LRP1B: variants seen among roughly 807,000 people sequenced by gnomAD.
LRP1B encodes low-density lipoprotein receptor-related protein 1B.
Under a neutral mutation model 556.6 loss-of-function variants are expected in LRP1B, and 217 were observed. That is an observed-to-expected ratio of 0.39 (90% CI 0.35 to 0.44). The LOEUF is 0.44. LRP1B is among the 20% of genes least tolerant of loss of function. LRP1B has a pLI of 1.00. For synonymous variants in LRP1B, 2,047 were observed against 1,865.8 expected (o/e 1.10, Z -2.50); for missense variants, 5,053 against 5,620.8 (o/e 0.90, Z 3.23).
chr2:141,968,372 C>T lies in LRP1B; in HGVS notation c.83-157971G>A, dbSNP rs1472885534. 2.0e-5 allele frequency among the ~76,000 whole-genome samples: 3 copies of T among 151,826 alleles called. No homozygotes were observed. The South Asian group carries it at 6.2e-4, about 31-fold the overall frequency. ...AATCTGAGTACTTTAGAAATGCAGA[C>T]TCCAAAGTAATAGGAAATAAAATAT... On this transcript the variant is annotated intron_variant, in intron 1 of 90. Coordinates refer to ENST00000389484, the MANE Select transcript of LRP1B (RefSeq NM_018557.3).
intron 3 of LRP1B, among the ~76,000 whole-genome samples, chr2:141,431,158 T>TAAATAAATAAATAAATAAAC (rs1680548152): frequency 6.6e-6 from 1 of 151,502 alleles, no homozygotes; most frequent in East Asian, 1.9e-4. Flanking sequence ...AATAAATAAA[T>TAAATAAATAAATAAATAAAC]AAATAAATGA....
At chr2:142,012,302 A>T (rs927683067) in intron 1 of LRP1B, among the ~76,000 whole-genome samples, 1 of 152,138 alleles carries the variant, frequency 6.6e-6, no homozygotes, top group African/African-American at 2.4e-5. Context: ...GTCTGACTCT[A>T]TTAAATCAAA....
Position 141,355,341 on chromosome 2 carries a change from T to C in LRP1B, c.344-100700A>G, listed in dbSNP as rs556499284. On this transcript the variant is annotated intron_variant, in intron 3 of 90. Coordinates refer to ENST00000389484, the MANE Select transcript of LRP1B (RefSeq NM_018557.3). ...TCACATACCTTAATATCCACCCTTA[T>C]AAAGTGTACAATTCCCTGGTTTTGA... 4.6e-5 allele frequency among the ~76,000 whole-genome samples: 7 copies of C among 152,168 alleles called. No homozygotes were observed. The South Asian group carries it at 6.2e-4, about 14-fold the overall frequency.
intron 2 of LRP1B, among the ~76,000 whole-genome samples, chr2:141,490,369 T>TTGTGTGTGTGTGTGTGTGTG (rs557540972): frequency 0.036 from 3,901 of 108,522 alleles, 93 homozygotes; most frequent in East Asian, 0.058. Flanking sequence ...TAAAATAGCC[T>TTGTGTGTGTGTGTGTGTGTG]CGTGTGTGTG....
chr2:141,787,266 T>G (rs1394531671), intron 2 of LRP1B, among the ~76,000 whole-genome samples: 3 of 152,116 alleles, frequency 2.0e-5, no homozygotes, highest in Non-Finnish European at 2.9e-5. Context: ...AGCAAACTTA[T>G]GTTAACACAA....
At chr2:141,696,849 G>A (rs970453881) in intron 2 of LRP1B, among the ~76,000 whole-genome samples, 1 of 151,856 alleles carries the variant, frequency 6.6e-6, no homozygotes, top group South Asian at 2.1e-4. Context: ...CTTCAAAGAC[G>A]GACATTAATA....
At chr2:141,557,771 T>C (rs977032114) in intron 2 of LRP1B, among the ~76,000 whole-genome samples, 1 of 151,922 alleles carries the variant, frequency 6.6e-6, no homozygotes, top group African/African-American at 2.4e-5. Flanking sequence ...TAACACATTT[T>C]TATTTTGTTT....
intron 41 of LRP1B, among the ~76,000 whole-genome samples, chr2:140,604,840 G>C (rs1389162147): frequency 1.3e-5 from 2 of 151,684 alleles, no homozygotes; most frequent in South Asian, 4.1e-4. Context: ...TAGTGAAAAA[G>C]TCTCACAAAA....
chr2:141,115,600 G>T (rs1335481271), intron 7 of LRP1B, among the ~76,000 whole-genome samples: 1 of 150,250 alleles, frequency 6.7e-6, no homozygotes, highest in East Asian at 2.0e-4. Flanking sequence ...GGGACTACAG[G>T]CTCCCGCCAC....
At chr2:141,429,249 T>C (rs2104980524) in intron 3 of LRP1B, among the ~76,000 whole-genome samples, 1 of 152,272 alleles carries the variant, frequency 6.6e-6, no homozygotes, top group South Asian at 2.1e-4. Flanking sequence ...TAAAAAATAA[T>C]ACTTCACTAT....
intron 41 of LRP1B, among the ~76,000 whole-genome samples, chr2:140,607,080 A>T (rs501969): frequency 0.61 from 93,344 of 151,950 alleles, 29,054 homozygotes; most frequent in Non-Finnish European, 0.65. Context: ...TGAATGCTTT[A>T]TACACTCAAC....
chr2:141,224,265 G>A (rs1607917), intron 6 of LRP1B, among the ~76,000 whole-genome samples: 42,151 of 152,066 alleles, frequency 0.28, 6,478 homozygotes, highest in Middle Eastern at 0.47. Flanking sequence ...TCACTGATTA[G>A]AGAAATCCAA....
At chr2:140,826,494 G>A (rs946356377) in intron 31 of LRP1B, among the ~76,000 whole-genome samples, 3 of 152,154 alleles carry the variant, frequency 2.0e-5, no homozygotes, top group Admixed American at 1.3e-4. Flanking sequence ...ATTATCCAGT[G>A]CCAAGATGAT....
At chr2:141,463,778 A>C (rs1682044085) in intron 3 of LRP1B, among the ~76,000 whole-genome samples, 1 of 145,968 alleles carries the variant, frequency 6.9e-6, no homozygotes, top group Non-Finnish European at 1.5e-5. Context: ...GTATTTCAAC[A>C]AATATTTATC....
At chr2:141,894,848 G>A (rs927021283) in intron 1 of LRP1B, among the ~76,000 whole-genome samples, 1 of 151,788 alleles carries the variant, frequency 6.6e-6, no homozygotes, top group African/African-American at 2.4e-5. Flanking sequence ...TTGGGAGTTC[G>A]AGACCAGCCT....
At chr2:140,522,631 G>A (rs1690231698) in intron 49 of LRP1B, among the ~76,000 whole-genome samples, 2 of 151,428 alleles carry the variant, frequency 1.3e-5, no homozygotes, top group Non-Finnish European at 2.9e-5. Context: ...TAAAATGCTG[G>A]TTCTTTTAAA....
chr2:141,106,844 A>T (rs887509304), intron 7 of LRP1B, among the ~76,000 whole-genome samples: 1 of 152,218 alleles, frequency 6.6e-6, no homozygotes, highest in Non-Finnish European at 1.5e-5. Flanking sequence ...CCACGAGTCA[A>T]CCACTTTCGA....
intron 7 of LRP1B, among the ~76,000 whole-genome samples, chr2:141,165,094 A>G (rs1680192964): frequency 6.6e-6 from 1 of 152,020 alleles, no homozygotes; most frequent in African/African-American, 2.4e-5. Flanking sequence ...TTTAAAACAA[A>G]TGTCATTAGG....
chr2:142,085,521 C>A (rs974500772), intron 1 of LRP1B, among the ~76,000 whole-genome samples: 1 of 152,080 alleles, frequency 6.6e-6, no homozygotes, highest in African/African-American at 2.4e-5. Context: ...TTATTATATA[C>A]AAACTTAAGG....
Sources: allele counts gnomAD v4.1 joint callset (sites outside exome capture counted in the v4.1 genomes callset), GRCh38; gene constraint gnomAD v4.1.1; transcripts MANE v1.5; gene names NCBI Gene and HGNC (gene_info 2026-07-23, HGNC 2026-07-21).